Variants in HGF observed in about 807,000 individuals in gnomAD.
HGF encodes the protein fibroblast-derived tumor cytotoxic factor.
HGF carries 39 observed loss-of-function variants against 111.6 expected under a neutral mutation model. That is an observed-to-expected ratio of 0.35 (90% CI 0.27 to 0.46). The LOEUF is 0.46. Ranked by LOEUF, HGF falls within the 20% of genes least tolerant of loss-of-function variation. The pLI, the probability that HGF is intolerant of heterozygous loss-of-function variation, is 1.00. For missense variants in HGF, 735 were observed against 910.5 expected (o/e 0.81, Z 2.48); for synonymous variants, 285 against 294.8 (o/e 0.97, Z 0.34).
chr7:81,726,077 G>A (rs2115905661), intron 8 of HGF, 60 bp from the exon 9 acceptor site: 5 of 1,526,118 alleles, frequency 3.3e-6, no homozygotes, highest in South Asian at 1.1e-5. Context: ...TGAAGTCAGC[G>A]CTATTACATT....
rs1431040441 is a variant in HGF, at chr7:81,726,036, T to C, written c.1041-19A>G. On this transcript the variant is annotated intron_variant, in intron 8 of 17. Transcript: ENST00000222390. ...TAGGTCCCTATTGAGAATAAGCATG[T>C]TAATGTAAATTGCCGGAGTTCTTAC... The C allele has an allele frequency of 6.2e-7, 1 of 1,613,394 alleles. No homozygotes were observed. Among genetic ancestry groups the C allele is most frequent in the East Asian group, 2.2e-5 (1 of 44,870 alleles).
At chr7:81,745,215 A>G in intron 5 of HGF, 95 bp from the exon 6 acceptor site, 2 of 1,348,622 alleles carry the variant, frequency 1.5e-6, no homozygotes, top group Non-Finnish European at 1.1e-6. Context: ...TTTAGTAAAC[A>G]GATTTTTAAA....
Position 81,710,170 on chromosome 7 carries a change from T to G in HGF, c.1518A>C (p.Gly506=), listed in dbSNP as rs935656073. Residue 506 remains glycine (G), a synonymous_variant, in exon 13 of 18, where the codon GGA becomes GGC. Coordinates refer to ENST00000222390, the MANE Select transcript of HGF (RefSeq NM_000601.6). ...ACCTGTATCTCAAACTAACCATCCA[T>G]CCTATGTTTGTTCGTGTTGGAATCC... ...VNGIPTRTNI[G]WMVSLRYRNK... is the part of the protein sequence containing the mutation. 4 of 1,610,792 alleles carry G rather than the reference T, an allele frequency of 2.5e-6. No homozygotes were observed. The highest frequency in any genetic ancestry group is 1.7e-5 in the Admixed American group (1 of 59,978).
chr7:81,752,340 T>C (rs979691), intron 4 of HGF, 78 bp from the exon 5 acceptor site: 3 of 1,193,908 alleles, frequency 2.5e-6, no homozygotes, highest in Non-Finnish European at 3.7e-6. Flanking sequence ...AATTAGTGGG[T>C]ATGTTTTTGC....
chr7:81,769,199 A>T lies in HGF; in HGVS notation c.88+685T>A, dbSNP rs116518656. Among the ~76,000 whole-genome samples the T allele has an allele frequency of 2.9e-3, 442 of 151,972 alleles. 3 individuals carry two copies. Among genetic ancestry groups the T allele is most frequent in the African/African-American group, 0.01 (422 of 41,446 alleles). ...TCCAAGCAATATGAACTTTCAAGCA[A>T]CTCCTCCCCAAACGGCAAATCCAAG... On this transcript the variant is annotated intron_variant, in intron 1 of 17. Coordinates refer to ENST00000222390, the MANE Select transcript of HGF (RefSeq NM_000601.6).
rs1198791102 is a variant in HGF at position 81,700,283 on chromosome 7, T to C, written c.*2298A>G. 6.6e-6 allele frequency: 1 copy of C among 151,686 alleles called. No individual in the cohort carries two copies. Among genetic ancestry groups the C allele is most frequent in the African/African-American group, 2.4e-5 (1 of 41,418 alleles). The allele number at this position is 151,686 out of a possible 1,614,324, so 9.4% of individuals were successfully genotyped here. ...ACCACCTAAAATAACATGGACCTTGTTCATCTAAGTTTCATTGTCAATTCC... is the reference window on the plus strand; with the variant it reads ...ACCACCTAAAATAACATGGACCTTGCTCATCTAAGTTTCATTGTCAATTCC... On this transcript the variant is annotated 3_prime_UTR_variant, in exon 18 of 18. Coordinates refer to ENST00000222390, the MANE Select transcript of HGF (RefSeq NM_000601.6).
Position 81,736,894 on chromosome 7 carries a change from G to GGGGTGTGTGT in HGF, c.865+6458_865+6459insACACACACCC, listed in dbSNP as rs1554369032. 8.6e-4 allele frequency among the ~76,000 whole-genome samples: 122 copies of GGGGTGTGTGT among 142,056 alleles called. 1 individual carries two copies. Among genetic ancestry groups the GGGGTGTGTGT allele is most frequent in the African/African-American group, 2.3e-3 (87 of 38,096 alleles). The allele number at this position is 142,056 out of a possible 152,430, so 93.2% of individuals were successfully genotyped here. On this transcript the variant is annotated intron_variant, in intron 7 of 17. Transcript: ENST00000222390. ...AGGGTTTTTAATTTATGTGTAGAGG[G>GGGGTGTGTGT]GTGTGTGTGTGTGTGTGTGTGTGTG...
intron 4 of HGF, chr7:81,755,620 T>C (rs1788729791): frequency 5.5e-6 from 1 of 180,654 alleles, no homozygotes; most frequent in South Asian, 1.2e-4. Flanking sequence ...TGGACTAGGG[T>C]AGGATTGATT....
At chr7:81,728,400 T>G (rs770097399) in intron 8 of HGF, among the ~76,000 whole-genome samples, 12 of 152,202 alleles carry the variant, frequency 7.9e-5, no homozygotes, top group Non-Finnish European at 1.3e-4. Flanking sequence ...CGTACACAAT[T>G]TCTTATTGGG....
chr7:81,699,750 A>T lies in HGF; in HGVS notation c.*2831T>A, dbSNP rs545061143. The stretch of plus-strand genomic sequence containing the variant: ...GTACCAACAAGAAATATTCACAGGA[A>T]TAAGTGAAATACAATTTTGCTATCA... On this transcript the variant is annotated 3_prime_UTR_variant, in exon 18 of 18. Transcript: ENST00000222390. 3 of 151,810 alleles carry T rather than the reference A, an allele frequency of 2.0e-5. No homozygotes were observed. The highest frequency in any genetic ancestry group is 3.0e-5 in the Non-Finnish European group (2 of 67,718). 9.4% of individuals were successfully genotyped at this position (151,810 alleles called of 1,614,324 possible).
Position 81,702,627 on chromosome 7 carries a change from T to G in HGF, c.2141A>C (p.Lys714Thr). 1.2e-6 allele frequency: 2 copies of G among 1,611,496 alleles called. No individual in the cohort carries two copies. Among genetic ancestry groups the G allele is most frequent in the Non-Finnish European group, 1.7e-6 (2 of 1,178,214 alleles). ...GIFVRVAYYAKWIHKIILTYK... is the reference protein window; with the variant it reads ...GIFVRVAYYATWIHKIILTYK... ...TGTTAAAATAATTTTGTGTATCCATTTTGCATAATATGCTACTCGGACAAA... is the reference window on the plus strand; with the variant it reads ...TGTTAAAATAATTTTGTGTATCCATGTTGCATAATATGCTACTCGGACAAA... The change falls in exon 18 of 18, where the codon AAA becomes ACA. Residue 714 changes from lysine to threonine, a missense_variant. Transcript: ENST00000222390.
chr7:81,749,357 C>T (rs73148743), intron 5 of HGF, among the ~76,000 whole-genome samples: 1,555 of 152,218 alleles, frequency 0.01, 14 homozygotes, highest in Non-Finnish European at 0.016. Context: ...CAAGCAAACG[C>T]TAAAGCAAGA....
At chr7:81,731,335 A>G (rs1242101406) in intron 7 of HGF, among the ~76,000 whole-genome samples, 1 of 152,316 alleles carries the variant, frequency 6.6e-6, no homozygotes. Context: ...AATATGACTC[A>G]GAAATATCCA....
chr7:81,751,078 C>T lies in HGF; in HGVS notation c.625+1042G>A, dbSNP rs558435009. 4.2e-5 allele frequency: 41 copies of T among 982,020 alleles called. 1 individual carries two copies. In the South Asian group the frequency reaches 1.6e-3, roughly 40 times the overall value. The allele number at this position is 982,020 out of a possible 1,614,324, so 60.8% of individuals were successfully genotyped here. A position where few individuals can be genotyped will look rare whatever the true frequency, so the allele number is the denominator to read the frequency against. On this transcript the variant is annotated intron_variant, in intron 5 of 17. Coordinates refer to ENST00000222390, the MANE Select transcript of HGF (RefSeq NM_000601.6). Reference sequence around the variant, plus strand: ...ACAGAAAACAAATCCTTCTCTGTGACAATTAGCTAACAGTAGCCTTTACTT... The same window carrying T: ...ACAGAAAACAAATCCTTCTCTGTGATAATTAGCTAACAGTAGCCTTTACTT...
intron 11 of HGF, among the ~76,000 whole-genome samples, chr7:81,715,483 G>A (rs920103405): frequency 3.3e-5 from 5 of 151,914 alleles, no homozygotes; most frequent in African/African-American, 1.2e-4. Flanking sequence ...AATTTGAAAG[G>A]CTATGATCAT....
chr7:81,721,842 G>A (rs1389791602), intron 9 of HGF, among the ~76,000 whole-genome samples: 2 of 152,198 alleles, frequency 1.3e-5, no homozygotes, highest in African/African-American at 2.4e-5. Flanking sequence ...TGGGGCCTTT[G>A]AGTCTGAATA....
chr7:81,736,959 T>C (rs534554213), intron 7 of HGF, among the ~76,000 whole-genome samples: 1 of 149,290 alleles, frequency 6.7e-6, no homozygotes, highest in African/African-American at 2.5e-5. Flanking sequence ...TGATATACTT[T>C]TGAAAACATT....
intron 11 of HGF, among the ~76,000 whole-genome samples, chr7:81,715,755 A>T (rs188717989): frequency 0.011 from 1,692 of 152,276 alleles, 34 homozygotes; most frequent in African/African-American, 0.037. Flanking sequence ...AGAAAAACAC[A>T]GACTTCTGTT....
chr7:81,750,931 AAAAG>A (rs1788467611), intron 5 of HGF: 1 of 909,850 alleles, frequency 1.1e-6, no homozygotes, highest in Admixed American at 6.2e-5. Flanking sequence ...TTTTTAAAAG[AAAAG>A]AAAACAATGA....
Sources: allele counts gnomAD v4.1 joint callset (sites outside exome capture counted in the v4.1 genomes callset), GRCh38; gene constraint gnomAD v4.1.1; transcripts MANE v1.5; gene names NCBI Gene and HGNC (gene_info 2026-07-23, HGNC 2026-07-21).